The following SPON1 variants were observed in gnomAD, a reference collection of about 807,000 sequenced individuals.
SPON1 encodes the protein spondin 1.
Under a neutral mutation model 111.7 loss-of-function variants are expected in SPON1, and 52 were observed. The ratio of observed to expected loss-of-function variants is 0.47; its 90% CI spans 0.37 to 0.59. The LOEUF (loss-of-function observed/expected upper bound fraction) is 0.59, where lower values mean the gene tolerates loss of function less well. Ranked by LOEUF, SPON1 falls within the 20% of genes least tolerant of loss-of-function variation. The pLI is 0.00. For synonymous variants in SPON1, 410 were observed against 395.8 expected (o/e 1.04, Z -0.43); for missense variants, 957 against 1,068.5 (o/e 0.90, Z 1.46).
intron 5 of SPON1, among the ~76,000 whole-genome samples, chr11:14,081,714 T>C (rs1417958334): frequency 1.3e-5 from 2 of 151,838 alleles, no homozygotes; most frequent in Non-Finnish European, 2.9e-5. Context: ...GAGAGAGAGA[T>C]TAAAAAGAGG....
At chr11:14,034,151 A>C (rs1848577953) in intron 2 of SPON1, among the ~76,000 whole-genome samples, 1 of 152,232 alleles carries the variant, frequency 6.6e-6, no homozygotes, top group South Asian at 2.1e-4. Context: ...ATTTAAAAAA[A>C]GAAAAATGTA....
chr11:13,995,291 A>T (rs768075461), intron 2 of SPON1, among the ~76,000 whole-genome samples: 1 of 152,216 alleles, frequency 6.6e-6, no homozygotes, highest in Non-Finnish European at 1.5e-5. Flanking sequence ...TGAATAAATA[A>T]GACATGGTAT....
intron 1 of SPON1, among the ~76,000 whole-genome samples, chr11:13,975,610 G>A (rs1848096947): frequency 6.6e-6 from 1 of 152,174 alleles, no homozygotes; most frequent in African/African-American, 2.4e-5. Context: ...TTGTGTGGAG[G>A]TGAAAGGGGC....
chr11:14,184,999 C>T (rs1848271424), intron 6 of SPON1, among the ~76,000 whole-genome samples: 1 of 152,218 alleles, frequency 6.6e-6, no homozygotes. Context: ...CATCAGTCCA[C>T]ACTACCCCAT....
intron 1 of SPON1, among the ~76,000 whole-genome samples, chr11:13,976,369 C>G (rs1848103853): frequency 6.6e-6 from 1 of 152,210 alleles, no homozygotes; most frequent in Non-Finnish European, 1.5e-5. Flanking sequence ...ACTCAGAACA[C>G]ACTGCACATT....
intron 6 of SPON1, among the ~76,000 whole-genome samples, chr11:14,160,739 AATT>A (rs1375207102): frequency 0.015 from 381 of 25,292 alleles, 82 homozygotes; most frequent in African/African-American, 0.05. Flanking sequence ...ATATATATTT[AATT>A]TATATATATT....
chr11:14,144,005 C>G (rs933056498), intron 6 of SPON1, among the ~76,000 whole-genome samples: 1 of 152,150 alleles, frequency 6.6e-6, no homozygotes, highest in South Asian at 2.1e-4. Flanking sequence ...AGAACCTGTA[C>G]TTCTTAAGTC....
chr11:14,034,888 T>G (rs1405294882), intron 2 of SPON1, among the ~76,000 whole-genome samples: 1 of 152,182 alleles, frequency 6.6e-6, no homozygotes, highest in East Asian at 1.9e-4. Flanking sequence ...ACCCAGAACC[T>G]TCCCAAGGAT....
intron 1 of SPON1, among the ~76,000 whole-genome samples, chr11:13,972,976 G>T (rs551751603): frequency 1.6e-4 from 25 of 151,924 alleles, no homozygotes; most frequent in African/African-American, 5.1e-4. Flanking sequence ...TCCCTCCTTC[G>T]CTCTATCTTT....
chr11:14,174,618 A>G (rs1335353945), intron 6 of SPON1, among the ~76,000 whole-genome samples: 3 of 152,018 alleles, frequency 2.0e-5, no homozygotes, highest in East Asian at 3.9e-4. Context: ...ACCGGAAGTT[A>G]TCTTAGGGCC....
intron 6 of SPON1, among the ~76,000 whole-genome samples, chr11:14,139,454 G>C (rs1052953003): frequency 2.6e-5 from 4 of 152,152 alleles, no homozygotes; most frequent in African/African-American, 9.7e-5. Context: ...TAAACAACAA[G>C]GTTTAAAGCT....
intron 2 of SPON1, among the ~76,000 whole-genome samples, chr11:14,009,644 C>T (rs375656879): frequency 6.6e-6 from 1 of 152,184 alleles, no homozygotes; most frequent in Non-Finnish European, 1.5e-5. Context: ...ACTGCTATAA[C>T]AAAATATCTT....
At chr11:14,159,893 T>G (rs1591392891) in intron 6 of SPON1, among the ~76,000 whole-genome samples, 3 of 11,852 alleles carry the variant, frequency 2.5e-4, no homozygotes, top group Admixed American at 1.2e-3. Context: ...CTGGGAAGGG[T>G]AGTGGGGGGT....
Position 14,135,590 on chromosome 11 carries a change from A to C in SPON1, c.825+22A>C. Reference sequence around the variant, plus strand: ...ACAGGTAAGACAAAAAAATCACAGAATGACCAAATAACAGAAATGCAGTCA... The same window carrying C: ...ACAGGTAAGACAAAAAAATCACAGACTGACCAAATAACAGAAATGCAGTCA... On this transcript the variant is annotated intron_variant, in intron 6 of 15. Transcript: ENST00000576479. This position sits in a 1 kb window ranked among gnomAD's most constrained non-coding sequence, Gnocchi z 4.4. The C allele has an allele frequency of 6.2e-7, 1 of 1,609,124 alleles. No homozygotes were observed. Among genetic ancestry groups the C allele is most frequent in the Non-Finnish European group, 8.5e-7 (1 of 1,176,226 alleles).
chr11:14,033,602 A>G (rs994367185), intron 2 of SPON1, among the ~76,000 whole-genome samples: 5 of 152,224 alleles, frequency 3.3e-5, no homozygotes, highest in Non-Finnish European at 7.3e-5. Flanking sequence ...AAGATGGGTC[A>G]TGATGTAGGT....
At chr11:13,970,156 GC>G (rs1848051549) in intron 1 of SPON1, among the ~76,000 whole-genome samples, 1 of 152,190 alleles carries the variant, frequency 6.6e-6, no homozygotes, top group African/African-American at 2.4e-5. Context: ...TTTTTGTGAT[GC>G]TTGTCAGCTC....
chr11:14,135,614 C>G lies in SPON1; in HGVS notation c.825+46C>G. On this transcript the variant is annotated intron_variant, in intron 6 of 15. Transcript: ENST00000576479. This position sits in a 1 kb window ranked among gnomAD's most constrained non-coding sequence, Gnocchi z 4.4. ...AATGACCAAATAACAGAAATGCAGT[C>G]AAAGCACTCCTTAGATATCTTTCCC... The G allele has an allele frequency of 1.9e-6, 3 of 1,582,840 alleles. No homozygotes were observed. Among genetic ancestry groups the G allele is most frequent in the Non-Finnish European group, 2.6e-6 (3 of 1,155,954 alleles).
At chr11:14,104,539 T>TC (rs1418496438) in intron 5 of SPON1, among the ~76,000 whole-genome samples, 1 of 152,068 alleles carries the variant, frequency 6.6e-6, no homozygotes, top group Non-Finnish European at 1.5e-5. Flanking sequence ...TTTTTGTTCT[T>TC]CCCTACTCTG....
intron 6 of SPON1, among the ~76,000 whole-genome samples, chr11:14,217,433 T>C (rs1441641237): frequency 6.6e-6 from 1 of 152,214 alleles, no homozygotes; most frequent in Non-Finnish European, 1.5e-5. Context: ...CTCTCTCATA[T>C]ATTTTTACAA....
Sources: allele counts gnomAD v4.1 joint callset (sites outside exome capture counted in the v4.1 genomes callset), GRCh38; gene constraint gnomAD v4.1.1; non-coding constraint Gnocchi (gnomAD v3.1); transcripts MANE v1.5; gene names NCBI Gene and HGNC (gene_info 2026-07-23, HGNC 2026-07-21).